STMND1: variants seen among roughly 807,000 people sequenced by gnomAD.
The protein encoded by STMND1 is stathmin domain containing 1.
STMND1 carries 17 observed loss-of-function variants against 23.0 expected under a neutral mutation model. The ratio of observed to expected loss-of-function variants is 0.74; its 90% CI spans 0.51 to 1.11. The LOEUF is 1.11. Among genes scored for constraint, STMND1 ranks in the 50% least tolerant of loss-of-function variants. STMND1 has a pLI of 0.00. For synonymous variants in STMND1, 114 were observed against 119.9 expected (o/e 0.95, Z 0.32); for missense variants, 305 against 329.1 (o/e 0.93, Z 0.57).
chr6:17,129,722 T>C (rs1761361925), intron 4 of STMND1, among the ~76,000 whole-genome samples: 1 of 151,904 alleles, frequency 6.6e-6, no homozygotes, highest in Non-Finnish European at 1.5e-5. Context: ...CGGGCGCCTG[T>C]AGTCCCAGCT....
intron 2 of STMND1, among the ~76,000 whole-genome samples, chr6:17,119,116 G>A (rs187647412): frequency 5.7e-4 from 86 of 152,106 alleles, no homozygotes; most frequent in African/African-American, 1.6e-3. Flanking sequence ...TGACCTCCCC[G>A]TATGACATGT....
chr6:17,126,310 A>G (rs1459275462), intron 3 of STMND1, among the ~76,000 whole-genome samples: 1 of 151,536 alleles, frequency 6.6e-6, no homozygotes, highest in Non-Finnish European at 1.5e-5. Context: ...CAGGTTTTTT[A>G]TTTTTTTACT....
intron 1 of STMND1, 99 bp from the exon 2 acceptor site, chr6:17,114,863 C>T (rs1356502237): frequency 1.5e-6 from 2 of 1,293,086 alleles, no homozygotes; most frequent in South Asian, 1.6e-5. Context: ...CAGCCCACCA[C>T]AGATACTAGC....
intron 1 of STMND1, among the ~76,000 whole-genome samples, chr6:17,111,404 G>A (rs1258610017): frequency 3.3e-5 from 5 of 152,236 alleles, no homozygotes; most frequent in East Asian, 1.9e-4. Context: ...ATGGGTTCAC[G>A]GGTTCACAGT....
chr6:17,111,899 T>A (rs925737591), intron 1 of STMND1, among the ~76,000 whole-genome samples: 6 of 152,216 alleles, frequency 3.9e-5, no homozygotes, highest in East Asian at 1.9e-4. Context: ...GCAAGTTAGC[T>A]GAAGCTGTGT....
At chr6:17,122,734 G>A (rs543354515) in intron 3 of STMND1, among the ~76,000 whole-genome samples, 6 of 151,756 alleles carry the variant, frequency 4.0e-5, no homozygotes, top group African/African-American at 1.4e-4. Context: ...GGGGCGGGGG[G>A]AGGATGGAAA....
intron 1 of STMND1, among the ~76,000 whole-genome samples, chr6:17,109,962 T>C (rs568262527): frequency 6.6e-6 from 1 of 152,322 alleles, no homozygotes; most frequent in East Asian, 1.9e-4. Flanking sequence ...CACAAAATAC[T>C]TCCCTTTTTC....
chr6:17,118,362 T>C (rs1290197943), intron 2 of STMND1, among the ~76,000 whole-genome samples: 2 of 152,176 alleles, frequency 1.3e-5, no homozygotes, highest in African/African-American at 4.8e-5. Flanking sequence ...AATGGTAATC[T>C]CTGGGTGGTG....
chr6:17,125,857 G>A (rs1761287954), intron 3 of STMND1, among the ~76,000 whole-genome samples: 1 of 151,562 alleles, frequency 6.6e-6, no homozygotes, highest in South Asian at 2.1e-4. Flanking sequence ...AAATATACAA[G>A]TTAGTAGCTA....
intron 1 of STMND1, among the ~76,000 whole-genome samples, chr6:17,109,979 G>A (rs1291532002): frequency 6.6e-6 from 1 of 151,986 alleles, no homozygotes; most frequent in Non-Finnish European, 1.5e-5. Flanking sequence ...TTTCACTTCA[G>A]TGCCTTCCAC....
chr6:17,110,979 C>T, intron 1 of STMND1: 1 of 432,602 alleles, frequency 2.3e-6, no homozygotes. Flanking sequence ...AGAGAGAAGA[C>T]ATGGTAGTCA....
Position 17,130,860 on chromosome 6 carries a change from A to G in STMND1, c.810A>G (p.Gln270=), listed in dbSNP as rs754882456. 2 of 1,529,672 alleles carry G rather than the reference A, an allele frequency of 1.3e-6. No homozygotes were observed. Among genetic ancestry groups the G allele is most frequent in the South Asian group, 2.4e-5 (2 of 83,382 alleles). The allele number at this position is 1,529,672 out of a possible 1,614,324, so 94.8% of individuals were successfully genotyped here. A position where few individuals can be genotyped will look rare whatever the true frequency, so the allele number is the denominator to read the frequency against. The change falls in exon 5 of 5, where the codon CAA becomes CAG. Residue 270 remains glutamine, a synonymous_variant. Transcript: ENST00000536551. The part of the protein sequence containing the change: ...GVVESDMSYN[Q]ADDIVY ...TGGAGTCAGACATGTCCTACAACCA[A>G]GCAGATGACATAGTCTACTAAGCCA...
At chr6:17,105,609 T>C (rs1420281430) in intron 1 of STMND1, among the ~76,000 whole-genome samples, 1 of 150,664 alleles carries the variant, frequency 6.6e-6, no homozygotes, top group Non-Finnish European at 1.5e-5. Flanking sequence ...ATCATGCCAC[T>C]GCACTCCAGC....
At chr6:17,128,301 A>G (rs1166485834) in intron 3 of STMND1, 2 of 152,214 alleles carry the variant, frequency 1.3e-5, no homozygotes, top group Non-Finnish European at 2.9e-5. Context: ...ATGTTTGTCA[A>G]GTTCCTCCAG....
intron 1 of STMND1, among the ~76,000 whole-genome samples, chr6:17,105,864 G>A (rs1253433663): frequency 6.6e-6 from 1 of 152,148 alleles, no homozygotes; most frequent in African/African-American, 2.4e-5. Flanking sequence ...GGCGGAACTT[G>A]CAGTGAGCCA....
chr6:17,113,110 T>C (rs1761115686), intron 1 of STMND1, among the ~76,000 whole-genome samples: 1 of 152,252 alleles, frequency 6.6e-6, no homozygotes, highest in East Asian at 1.9e-4. Context: ...GGCAATGATA[T>C]ACTAAAATGT....
chr6:17,128,828 T>C, intron 3 of STMND1: 1 of 248,546 alleles, frequency 4.0e-6, no homozygotes. Context: ...TCCTCCACCC[T>C]CAGCCTCCCA....
At chr6:17,119,888 T>G (rs914820905) in intron 2 of STMND1, among the ~76,000 whole-genome samples, 4 of 152,202 alleles carry the variant, frequency 2.6e-5, no homozygotes, top group African/African-American at 9.6e-5. Flanking sequence ...GCGCCGTTTA[T>G]TTTATAATGT....
chr6:17,129,232 G>A lies in STMND1; in HGVS notation c.532G>A (p.Glu178Lys), dbSNP rs965248652. ...DIEEKMEAAE[E>K]RRKTKEEEIR... ...CGAGGAGAAGATGGAGGCTGCCGAGGAGCGCAGGAAGGTAGTGAGCTCTCA... is the reference window on the plus strand; with the variant it reads ...CGAGGAGAAGATGGAGGCTGCCGAGAAGCGCAGGAAGGTAGTGAGCTCTCA... The change falls in exon 4 of 5, where the codon GAG (glutamate) becomes AAG (lysine). Residue 178 changes from glutamate (E) to lysine (K), a missense_variant. Physicochemically the swap from Glu to Lys is moderately conservative, Grantham distance 56. Coordinates refer to ENST00000536551, the MANE Select transcript of STMND1 (RefSeq NM_001190766.2). 7.9e-5 allele frequency: 121 copies of A among 1,535,874 alleles called. No homozygotes were observed. The highest frequency in any genetic ancestry group is 1.0e-4 in the Non-Finnish European group (117 of 1,146,854).
Sources: allele counts gnomAD v4.1 joint callset (sites outside exome capture counted in the v4.1 genomes callset), GRCh38; gene constraint gnomAD v4.1.1; transcripts MANE v1.5; gene names NCBI Gene and HGNC (gene_info 2026-07-23, HGNC 2026-07-21).